NRG1: variants seen among roughly 807,000 people sequenced by gnomAD.
NRG1 encodes the protein neuregulin 1, also known as pro-neuregulin-1, membrane-bound isoform.
NRG1 carries 18 observed loss-of-function variants against 63.8 expected under a neutral mutation model. The observed-to-expected ratio is 0.28, with a 90% CI of 0.19 to 0.42. NRG1 has a LOEUF of 0.42. NRG1 is among the 10% of genes least tolerant of loss of function. The pLI is 1.00. For synonymous variants in NRG1, 302 were observed against 301.3 expected (o/e 1.00, Z -0.02); for missense variants, 762 against 814.7 (o/e 0.94, Z 0.79).
chr8:32,385,887 C>A (rs530006385), intron 1 of NRG1, among the ~76,000 whole-genome samples: 1 of 152,204 alleles, frequency 6.6e-6, no homozygotes, highest in Non-Finnish European at 1.5e-5. Flanking sequence ...TTCAGCAATA[C>A]TGCTGTCAGA....
chr8:31,639,268 G>C, exon 1 of NRG1: 1 of 1,196,868 alleles, frequency 8.4e-7, no homozygotes, highest in Non-Finnish European at 1.2e-6. Context: ...AGCCCACTCG[G>C]ACTGCAGCCT....
At chr8:32,193,251 C>T (rs1422669696) in intron 1 of NRG1, among the ~76,000 whole-genome samples, 1 of 151,920 alleles carries the variant, frequency 6.6e-6, no homozygotes, top group African/African-American at 2.4e-5. Flanking sequence ...AGTAGTGACC[C>T]TGTTGATGAT....
intron 1 of NRG1, among the ~76,000 whole-genome samples, chr8:31,665,925 G>C (rs1001020233): frequency 6.6e-6 from 1 of 152,082 alleles, no homozygotes; most frequent in Admixed American, 6.6e-5. Context: ...TGCCACCTCT[G>C]GGGCCCCCGG....
At chr8:32,168,869 A>T (rs1199645621) in intron 1 of NRG1, among the ~76,000 whole-genome samples, 1 of 152,054 alleles carries the variant, frequency 6.6e-6, no homozygotes, top group Non-Finnish European at 1.5e-5. Context: ...TTATTTGCTT[A>T]CTGTCTGTCT....
rs769233777 is a variant in NRG1, at chr8:32,183,514, G to C, written c.38-412314G>C. ...AAATCGATAGTGACAGCCAGTGAAC[G>C]CATGTAAATTTCAACAAGTGAACGT... On this transcript the variant is annotated intron_variant, in intron 1 of 10. Coordinates refer to the NRG1 transcript ENST00000519301. Among the ~76,000 whole-genome samples the C allele has an allele frequency of 2.0e-5, 3 of 152,292 alleles. No homozygotes were observed. The South Asian group carries it at 6.2e-4, about 32-fold the overall frequency.
intron 1 of NRG1, among the ~76,000 whole-genome samples, chr8:31,929,072 G>A (rs1343756129): frequency 3.3e-5 from 5 of 152,166 alleles, no homozygotes; most frequent in African/African-American, 1.2e-4. Context: ...ATGCAAGTTT[G>A]ATTCTGGATC....
At chr8:32,394,510 C>T (rs1812193793) in intron 1 of NRG1, among the ~76,000 whole-genome samples, 1 of 152,174 alleles carries the variant, frequency 6.6e-6, no homozygotes. Flanking sequence ...TCACAGCAAC[C>T]TACAAAGTCA....
chr8:31,680,207 T>G (rs1395722200), intron 1 of NRG1, among the ~76,000 whole-genome samples: 2 of 151,992 alleles, frequency 1.3e-5, no homozygotes, highest in African/African-American at 4.8e-5. Context: ...TAGTTACATA[T>G]GTATACATGT....
At chr8:31,802,044 G>A (rs929708316) in intron 1 of NRG1, among the ~76,000 whole-genome samples, 1 of 152,080 alleles carries the variant, frequency 6.6e-6, no homozygotes, top group African/African-American at 2.4e-5. Context: ...TTCATCACCG[G>A]TATTAAACAG....
rs932815577 is a variant in NRG1, at chr8:32,191,125, C to G, written c.38-404703C>G. ...TTTGAGTTGGAGTCTCACTCTGTCA[C>G]CCAGGCTAAAGTGCAGTGGCATGAT... On this transcript the variant is annotated intron_variant, in intron 1 of 10. Coordinates refer to the NRG1 transcript ENST00000519301. 2.1e-4 allele frequency among the ~76,000 whole-genome samples: 32 copies of G among 151,374 alleles called. 2 individuals carry two copies. The highest frequency in any genetic ancestry group is 2.9e-5 in the Non-Finnish European group (2 of 67,904).
chr8:31,789,162 C>G (rs1480237098), intron 1 of NRG1, among the ~76,000 whole-genome samples: 1 of 152,158 alleles, frequency 6.6e-6, no homozygotes. Context: ...CTTAAAGTCT[C>G]TTCTTGGTTC....
intron 1 of NRG1, among the ~76,000 whole-genome samples, chr8:31,825,787 C>A (rs760723990): frequency 6.6e-6 from 1 of 152,202 alleles, no homozygotes; most frequent in Non-Finnish European, 1.5e-5. Context: ...CTCTGTGACA[C>A]GGTCATAGAA....
intron 1 of NRG1, among the ~76,000 whole-genome samples, chr8:32,037,249 C>T (rs1328948920): frequency 6.6e-6 from 1 of 152,172 alleles, no homozygotes; most frequent in Non-Finnish European, 1.5e-5. Flanking sequence ...CTGGGGTCCT[C>T]CCACACCTGG....
chr8:31,772,565 C>G (rs1470188500), intron 1 of NRG1, among the ~76,000 whole-genome samples: 1 of 152,074 alleles, frequency 6.6e-6, no homozygotes, highest in African/African-American at 2.4e-5. Flanking sequence ...TTCTAGGACC[C>G]TCTGGGAAGG....
intron 1 of NRG1, among the ~76,000 whole-genome samples, chr8:31,658,436 C>G (rs890188158): frequency 6.6e-6 from 1 of 152,078 alleles, no homozygotes; most frequent in African/African-American, 2.4e-5. Context: ...TCATGTCTGT[C>G]GAGCACTTAG....
At chr8:32,715,638 G>A (rs922827374) in intron 5 of NRG1, among the ~76,000 whole-genome samples, 1 of 74,654 alleles carries the variant, frequency 1.3e-5, no homozygotes, top group East Asian at 2.6e-4. Context: ...AATAAATCAG[G>A]CCCTTTTTTT....
At chr8:32,328,427 T>TA (rs1563320233) in intron 1 of NRG1, among the ~76,000 whole-genome samples, 32 of 147,824 alleles carry the variant, frequency 2.2e-4, no homozygotes, top group African/African-American at 4.6e-4. Context: ...AAATTTAACA[T>TA]CTTTTTTTTT....
intron 1 of NRG1, among the ~76,000 whole-genome samples, chr8:31,945,666 G>A (rs188187997): frequency 2.6e-5 from 4 of 152,290 alleles, no homozygotes; most frequent in East Asian, 1.9e-4. Context: ...CTGTCTAGCC[G>A]CAGCTCCCTT....
intron 1 of NRG1, among the ~76,000 whole-genome samples, chr8:32,366,671 GTGTGTGTATATATA>G (rs1178186342): frequency 0.21 from 18,258 of 86,400 alleles, 1,604 homozygotes; most frequent in Middle Eastern, 0.3. Flanking sequence ...GTGTGTGTGT[GTGTGTGTATATATA>G]TATATATATA....
Sources: allele counts gnomAD v4.1 joint callset (sites outside exome capture counted in the v4.1 genomes callset), GRCh38; gene constraint gnomAD v4.1.1; transcripts MANE v1.5; gene names NCBI Gene and HGNC (gene_info 2026-07-23, HGNC 2026-07-21).